Variants in ATRN observed in about 807,000 individuals in gnomAD.
The protein encoded by ATRN is attractin, also known as attractin-2.
Under a neutral mutation model 178.7 loss-of-function variants are expected in ATRN, and 54 were observed. The observed-to-expected ratio is 0.30, with a 90% CI of 0.24 to 0.38. The LOEUF (loss-of-function observed/expected upper bound fraction) is 0.38, where lower values mean the gene tolerates loss of function less well. Among genes scored for constraint, ATRN ranks in the 10% least tolerant of loss-of-function variants. The pLI is 1.00. For synonymous variants in ATRN, 636 were observed against 663.0 expected, an observed-to-expected ratio of 0.96 and a Z score of 0.63; for missense variants, 1,443 against 1,815.1, an observed-to-expected ratio of 0.79 and a Z score of 3.73.
intron 18 of ATRN, among the ~76,000 whole-genome samples, chr20:3,586,018 TATC>T (rs1449295497): frequency 6.6e-6 from 1 of 152,180 alleles, no homozygotes; most frequent in Non-Finnish European, 1.5e-5. Context: ...AATATAGAGT[TATC>T]ATACGGCCCA....
chr20:3,634,395 C>T lies in ATRN; in HGVS notation c.3942+6C>T. 2 of 1,609,994 alleles carry T rather than the reference C, an allele frequency of 1.2e-6. No homozygotes were observed. Among genetic ancestry groups the T allele is most frequent in the African/African-American group, 1.3e-5 (1 of 74,994 alleles). On this transcript the variant is annotated splice_donor_region_variant and intron_variant, in intron 26 of 28. Coordinates refer to ENST00000262919, the MANE Select transcript of ATRN (RefSeq NM_139321.3). ...GGGCCTCCAGACGTAGAGAGGTAAG[C>T]TTCAGTGGGTAAAGATTAAAGAATC...
rs1296618838 is a variant in ATRN, at chr20:3,632,073, C to T, written c.3864-2238C>T. On this transcript the variant is annotated intron_variant, in intron 25 of 28. Coordinates refer to ENST00000262919, the MANE Select transcript of ATRN (RefSeq NM_139321.3). The surrounding 1 kb of genome is among the most constrained non-coding windows in gnomAD (Gnocchi z 4.2). Reference sequence around the variant, plus strand: ...TCCAAATGCCATGCCCAGCCCAGACCTGGCAGCCAGCCTCCAGGTTAGAAT... The same window carrying T: ...TCCAAATGCCATGCCCAGCCCAGACTTGGCAGCCAGCCTCCAGGTTAGAAT... Among the ~76,000 whole-genome samples the T allele has an allele frequency of 6.6e-6, 1 of 152,142 alleles. No homozygotes were observed. Among genetic ancestry groups the T allele is most frequent in the Non-Finnish European group, 1.5e-5 (1 of 68,044 alleles).
chr20:3,600,772 T>TAATTGGCTTGTATTAAGGAAAATTTATTG (rs2086597224), intron 22 of ATRN, among the ~76,000 whole-genome samples, 174 bp from the exon 23 acceptor site: 1 of 152,216 alleles, frequency 6.6e-6, no homozygotes, highest in Non-Finnish European at 1.5e-5. Flanking sequence ...TGGCATATAT[T>TAATTGGCTTGTATTAAGGAAAATTTATTG]GCTTGTATTA....
chr20:3,510,274 AAAC>A (rs1198299032), intron 1 of ATRN, among the ~76,000 whole-genome samples: 1 of 152,222 alleles, frequency 6.6e-6, no homozygotes, highest in Non-Finnish European at 1.5e-5. Context: ...AGAGGTCAAC[AAAC>A]ATTTTCTTTA....
chr20:3,489,709 T>C (rs1418488454), intron 1 of ATRN: 3 of 1,580,030 alleles, frequency 1.9e-6, no homozygotes, highest in East Asian at 2.2e-5. Context: ...AAGTGAGCAG[T>C]GTTTGGGATG....
Position 3,630,964 on chromosome 20 carries a change from T to TTTTTTTTTTTTTTTTTTTTTTG in ATRN, c.3864-3347_3864-3346insTTTTTTTTTTTTTTTTTTTTTG, listed in dbSNP as rs1307722255. ...TTTTTTTTTTTTTTTTTTTTTTTTT[T>TTTTTTTTTTTTTTTTTTTTTTG]GGGATAGGGTCTCTGTTGCCCAGGC... On this transcript the variant is annotated intron_variant, in intron 25 of 28. Transcript: ENST00000262919. Among the ~76,000 whole-genome samples, 7 of 73,430 alleles carry TTTTTTTTTTTTTTTTTTTTTTG rather than the reference T, an allele frequency of 9.5e-5. 2 individuals are homozygous for TTTTTTTTTTTTTTTTTTTTTTG. The highest frequency in any genetic ancestry group is 1.8e-4 in the Non-Finnish European group (7 of 39,838). 48.2% of individuals were successfully genotyped at this position (73,430 alleles called of 152,430 possible). A position where few individuals can be genotyped will look rare whatever the true frequency, so the allele number is the denominator to read the frequency against.
At chr20:3,477,042 C>A (rs1257231123) in intron 1 of ATRN, among the ~76,000 whole-genome samples, 1 of 149,574 alleles carries the variant, frequency 6.7e-6, no homozygotes, top group Non-Finnish European at 1.5e-5. Context: ...GGGCCTGGAG[C>A]ATAGTTCACA....
intron 1 of ATRN, among the ~76,000 whole-genome samples, chr20:3,512,107 A>AT (rs755934394): frequency 0.011 from 1,164 of 106,368 alleles, 38 homozygotes; most frequent in African/African-American, 0.031. Flanking sequence ...ATATATATAT[A>AT]TTTTTTTTTT....
intron 6 of ATRN, among the ~76,000 whole-genome samples, chr20:3,557,494 CAA>C (rs1474532764): frequency 1.3e-5 from 2 of 152,152 alleles, no homozygotes; most frequent in Admixed American, 6.5e-5. Flanking sequence ...TATTCTCAAA[CAA>C]GAGTGAATTC....
At chr20:3,574,466 G>A (rs1485167182) in intron 12 of ATRN, among the ~76,000 whole-genome samples, 1 of 152,222 alleles carries the variant, frequency 6.6e-6, no homozygotes, top group Admixed American at 6.5e-5. Context: ...AGTGAGGCAT[G>A]AGTGTGCCAG....
At chr20:3,600,668 T>G (rs953744156) in intron 22 of ATRN, among the ~76,000 whole-genome samples, 1 of 152,126 alleles carries the variant, frequency 6.6e-6, no homozygotes, top group Non-Finnish European at 1.5e-5. Flanking sequence ...TGTGCTCTGA[T>G]AGGGGTCTTT....
chr20:3,488,648 C>T (rs1302019556), intron 1 of ATRN, among the ~76,000 whole-genome samples: 1 of 152,160 alleles, frequency 6.6e-6, no homozygotes, highest in Non-Finnish European at 1.5e-5. Context: ...GTTAAGTCAC[C>T]TTACCTTATT....
At chr20:3,567,440 A>T (rs990865010) in intron 11 of ATRN, among the ~76,000 whole-genome samples, 2 of 152,194 alleles carry the variant, frequency 1.3e-5, no homozygotes, top group Non-Finnish European at 2.9e-5. Context: ...AATATAATTT[A>T]ATCATGAGTC....
intron 18 of ATRN, among the ~76,000 whole-genome samples, chr20:3,589,990 C>G (rs2086416427): frequency 6.6e-6 from 1 of 152,176 alleles, no homozygotes; most frequent in African/African-American, 2.4e-5. Flanking sequence ...ACTCTTGTTG[C>G]CCAGGCTGGA....
intron 19 of ATRN, among the ~76,000 whole-genome samples, 195 bp downstream of exon 19, chr20:3,591,501 C>G (rs1023778476): frequency 1.3e-5 from 2 of 152,122 alleles, no homozygotes; most frequent in Non-Finnish European, 2.9e-5. Flanking sequence ...AAGCAACAAG[C>G]CAAAAATGTT....
intron 11 of ATRN, among the ~76,000 whole-genome samples, chr20:3,568,462 A>G (rs1297360318): frequency 2.0e-5 from 3 of 151,236 alleles, no homozygotes; most frequent in Non-Finnish European, 4.4e-5. Flanking sequence ...GCAGTGAGCT[A>G]TGATGACGCC....
At chr20:3,644,708 G>C (rs958714973) in intron 28 of ATRN, among the ~76,000 whole-genome samples, 7 of 152,124 alleles carry the variant, frequency 4.6e-5, no homozygotes, top group Non-Finnish European at 1.0e-4. Context: ...CCCCTGGGCT[G>C]GTGTTTCTTC....
At position 3,647,554 on chromosome 20, in the gene ATRN, TTCTC is replaced by T. The variant is rs1234939572; in HGVS notation, c.*711_*714del. 1 of 152,186 alleles carries T rather than the reference TTCTC, an allele frequency of 6.6e-6. No individual in the cohort carries two copies. Among genetic ancestry groups the T allele is most frequent in the Non-Finnish European group, 1.5e-5 (1 of 68,024 alleles). The allele number at this position is 152,186 out of a possible 1,614,324, so 9.4% of individuals were successfully genotyped here. A position where few individuals can be genotyped will look rare whatever the true frequency, so the allele number is the denominator to read the frequency against. On this transcript the variant is annotated 3_prime_UTR_variant, in exon 29 of 29. Coordinates refer to ENST00000262919, the MANE Select transcript of ATRN (RefSeq NM_139321.3). ...AATCCATTTGAAACTCTCTCTTCCTTTCTCTCTGCCTGTCCCTCTCCTTCTCCAT... is the reference window on the plus strand; with the variant it reads ...AATCCATTTGAAACTCTCTCTTCCTTTCTGCCTGTCCCTCTCCTTCTCCAT...
intron 2 of ATRN, among the ~76,000 whole-genome samples, chr20:3,537,894 C>CTTTTT (rs1555813278): frequency 4.1e-5 from 6 of 144,646 alleles, no homozygotes; most frequent in African/African-American, 7.6e-5. Context: ...GCCTCATTTT[C>CTTTTT]TTTATTTTAT....
Sources: gnomAD v4.1 joint callset for allele counts (sites outside exome capture counted in the v4.1 genomes callset) on GRCh38, gnomAD v4.1.1 for gene constraint, Gnocchi (gnomAD v3.1) non-coding constraint, MANE v1.5 for transcripts, NCBI Gene and HGNC (gene_info 2026-07-23, HGNC 2026-07-21) for gene names.